The following KLHL26 variants were observed in gnomAD, a reference collection of about 807,000 sequenced individuals.
KLHL26 encodes kelch-like protein 26.
KLHL26 carries 4 observed loss-of-function variants against 7.1 expected under a neutral mutation model. The ratio of observed to expected loss-of-function variants is 0.56; its 90% CI spans 0.28 to 1.28. The LOEUF (loss-of-function observed/expected upper bound fraction) is 1.28. Among genes scored for constraint, KLHL26 ranks in the 50% most tolerant of loss-of-function variants. The pLI, the probability that KLHL26 is intolerant of heterozygous loss-of-function variation, is 0.11. For missense variants in KLHL26, 896 were observed against 924.6 expected, an observed-to-expected ratio of 0.97 and a Z score of 0.40; for synonymous variants, 465 against 414.1, an observed-to-expected ratio of 1.12 and a Z score of -1.49.
chr19:18,667,889 C>T lies in KLHL26; in HGVS notation c.492C>T (p.Thr164=), dbSNP rs1220169700. The change falls in exon 3 of 3, where the codon ACC becomes ACT. Residue 164 remains threonine, a synonymous_variant. Transcript: ENST00000300976. ...EFLKAAMSVE[T]CLNIGQMATT... ...TGAAGGCGGCCATGAGCGTGGAGACCTGCCTCAACATCGGCCAGATGGCCA... is the reference window on the plus strand; with the variant it reads ...TGAAGGCGGCCATGAGCGTGGAGACTTGCCTCAACATCGGCCAGATGGCCA... 6.2e-7 allele frequency: 1 copy of T among 1,612,542 alleles called. No homozygotes were observed. The highest frequency in any genetic ancestry group is 8.5e-7 in the Non-Finnish European group (1 of 1,180,006).
chr19:18,660,504 G>A (rs10409117), intron 1 of KLHL26, among the ~76,000 whole-genome samples: 5,870 of 152,302 alleles, frequency 0.039, 401 homozygotes, highest in African/African-American at 0.14. Flanking sequence ...GCCTTCCTGG[G>A]GGCCTGTGGC....
chr19:18,639,902 G>A (rs949720843), intron 1 of KLHL26, among the ~76,000 whole-genome samples: 5 of 151,920 alleles, frequency 3.3e-5, no homozygotes, highest in East Asian at 3.9e-4. Context: ...TAGAAATTTC[G>A]TAAGAATGGA....
chr19:18,668,581 G>T lies in KLHL26; in HGVS notation c.1184G>T (p.Arg395Leu). Residue 395 changes from arginine to leucine, a missense_variant, in exon 3 of 3, where the codon CGC (arginine) becomes CTC (leucine). By Grantham distance (102) the Arg-to-Leu change is moderately radical (BLOSUM62 -2). Transcript: ENST00000300976. ...RYDPHLNRWL[R>L]LQAMQESRIQ... The stretch of plus-strand genomic sequence containing the variant: ...GACCCCCACCTGAATCGCTGGCTGC[G>T]CCTGCAGGCCATGCAGGAAAGCCGC... 6.3e-7 allele frequency: 1 copy of T among 1,590,954 alleles called. No homozygotes were observed. The highest frequency in any genetic ancestry group is 2.2e-5 in the East Asian group (1 of 44,546).
intron 1 of KLHL26, 124 bp downstream of exon 1, chr19:18,637,261 A>T: frequency 9.5e-7 from 1 of 1,053,018 alleles, no homozygotes; most frequent in Non-Finnish European, 1.2e-6. Context: ...TTCGCTGAGA[A>T]TTTGGACTTT....
At chr19:18,647,306 G>A (rs1476774637) in intron 1 of KLHL26, among the ~76,000 whole-genome samples, 1 of 152,130 alleles carries the variant, frequency 6.6e-6, no homozygotes, top group Non-Finnish European at 1.5e-5. Flanking sequence ...ATTACCCTCC[G>A]CCATAATCGC....
rs1568456677 is a variant in KLHL26, at chr19:18,649,653, G to C, written c.83+12516G>C. On this transcript the variant is annotated intron_variant, in intron 1 of 2. Coordinates refer to ENST00000300976, the MANE Select transcript of KLHL26 (RefSeq NM_018316.3). The surrounding 1 kb of genome is among the most constrained non-coding windows in gnomAD (Gnocchi z 4.0). ...TGGAAGTGGGGGCCAAGCCCGCTGG[G>C]TTCCCGCTGCCGGCAGCCCCGCCCT... 1.3e-5 allele frequency among the ~76,000 whole-genome samples: 2 copies of C among 152,224 alleles called. No individual in the cohort carries two copies. Among genetic ancestry groups the C allele is most frequent in the African/African-American group, 4.8e-5 (2 of 41,450 alleles).
At chr19:18,660,529 C>T (rs1044590428) in intron 1 of KLHL26, among the ~76,000 whole-genome samples, 6 of 152,220 alleles carry the variant, frequency 3.9e-5, no homozygotes, top group African/African-American at 7.2e-5. Flanking sequence ...CCGTGCCGGC[C>T]GCCCCCTGTC....
At chr19:18,662,438 G>A (rs959143163) in intron 1 of KLHL26, among the ~76,000 whole-genome samples, 1 of 152,150 alleles carries the variant, frequency 6.6e-6, no homozygotes, top group East Asian at 1.9e-4. Flanking sequence ...TGCCTGGACC[G>A]CGTGCCCATG....
At chr19:18,644,733 G>C (rs1976771155) in intron 1 of KLHL26, 1 of 152,244 alleles carries the variant, frequency 6.6e-6, no homozygotes, top group Non-Finnish European at 1.5e-5. Flanking sequence ...TGGGGCTGCT[G>C]GGGGGCAGTG....
At chr19:18,660,858 A>G (rs1194261328) in intron 1 of KLHL26, among the ~76,000 whole-genome samples, 1 of 152,122 alleles carries the variant, frequency 6.6e-6, no homozygotes, top group African/African-American at 2.4e-5. Flanking sequence ...GTCAGGCATC[A>G]CCAGGGCATG....
intron 2 of KLHL26, chr19:18,667,355 T>G (rs2052458921): frequency 2.3e-6 from 1 of 433,032 alleles, no homozygotes. Context: ...TTTGTTTGTT[T>G]GTTTGTTTGT....
chr19:18,640,377 C>T (rs1158882482), intron 1 of KLHL26, among the ~76,000 whole-genome samples: 1 of 151,626 alleles, frequency 6.6e-6, no homozygotes, highest in South Asian at 2.1e-4. Context: ...CTGGTAGGTA[C>T]TACAAGGGCG....
In KLHL26 at chr19:18,662,842, C is replaced by T. The variant is rs929347030; in HGVS notation, c.84-1419C>T. 6.6e-5 allele frequency among the ~76,000 whole-genome samples: 10 copies of T among 151,714 alleles called. No individual in the cohort carries two copies. The East Asian group carries it at 9.7e-4, about 15-fold the overall frequency. ...CAGCCTGGTCAAGTGGGATCGGGGCCGATGTGTGGGGAGGGGAGGAAGGGA... is the reference window on the plus strand; with the variant it reads ...CAGCCTGGTCAAGTGGGATCGGGGCTGATGTGTGGGGAGGGGAGGAAGGGA... On this transcript the variant is annotated intron_variant, in intron 1 of 2. Coordinates refer to ENST00000300976, the MANE Select transcript of KLHL26 (RefSeq NM_018316.3).
In KLHL26 at chr19:18,668,002, T is replaced by TGCGCCTGCCACTGGA; in HGVS notation, c.613_627dup (p.Pro205_Leu209dup). The TGCGCCTGCCACTGGA allele has an allele frequency of 6.2e-7, 1 of 1,608,290 alleles. No individual in the cohort carries two copies. The highest frequency in any genetic ancestry group is 8.5e-7 in the Non-Finnish European group (1 of 1,179,942). Reference sequence around the variant, plus strand: ...CAGATCGCCGAGGAGGAGGATTTCCTGCGCCTGCCACTGGAGCGCCTGGTC... The same window carrying TGCGCCTGCCACTGGA: ...CAGATCGCCGAGGAGGAGGATTTCCTGCGCCTGCCACTGGAGCGCCTGCCACTGGAGCGCCTGGTC... On this transcript the variant is annotated inframe_insertion, in exon 3 of 3. Coordinates refer to ENST00000300976, the MANE Select transcript of KLHL26 (RefSeq NM_018316.3).
chr19:18,642,624 A>C (rs1329444322), intron 1 of KLHL26, among the ~76,000 whole-genome samples: 3 of 151,996 alleles, frequency 2.0e-5, no homozygotes, highest in Non-Finnish European at 4.4e-5. Context: ...TGGGCCTCCC[A>C]AAGTGCTGGG....
rs1372438918 is a variant in KLHL26, at chr19:18,656,925, CTG to C, written c.84-7334_84-7333del. 3.9e-5 allele frequency among the ~76,000 whole-genome samples: 6 copies of C among 152,284 alleles called. No homozygotes were observed. Among genetic ancestry groups the C allele is most frequent in the African/African-American group, 1.4e-4 (6 of 41,534 alleles). On this transcript the variant is annotated intron_variant, in intron 1 of 2. Coordinates refer to ENST00000300976, the MANE Select transcript of KLHL26 (RefSeq NM_018316.3). This position sits in a 1 kb window ranked among gnomAD's most constrained non-coding sequence, Gnocchi z 4.4. ...CCTGGCGGCCCCTGAGCTGCAGTCT[CTG>C]TCTCCCTGTCTCTGAGTCTCTGTCC...
rs1600698550 is a variant in KLHL26, at chr19:18,656,088, CA to C, written c.84-8172del. Among the ~76,000 whole-genome samples the C allele has an allele frequency of 6.6e-6, 1 of 152,314 alleles. No homozygotes were observed. The highest frequency in any genetic ancestry group is 1.9e-4 in the East Asian group (1 of 5,172). The stretch of plus-strand genomic sequence containing the variant: ...TGAGATGACAGCTTGCAAACCACTG[CA>C]CCTCTAACCCCCTGTTTTCTGGAAG... On this transcript the variant is annotated intron_variant, in intron 1 of 2. Coordinates refer to ENST00000300976, the MANE Select transcript of KLHL26 (RefSeq NM_018316.3). This position sits in a 1 kb window ranked among gnomAD's most constrained non-coding sequence, Gnocchi z 4.4.
Position 18,669,311 on chromosome 19 carries a change from C to A in KLHL26, c.*66C>A. 3 of 1,338,494 alleles carry A rather than the reference C, an allele frequency of 2.2e-6. No individual in the cohort carries two copies. The highest frequency in any genetic ancestry group is 1.3e-5 in the South Asian group (1 of 78,832). 82.9% of individuals were successfully genotyped at this position (1,338,494 alleles called of 1,614,324 possible). ...CTCCAAGTGGGGCTTGGCGAATGCA[C>A]GTCTGCCTGAGAACCCCAGTGCCCC... On this transcript the variant is annotated 3_prime_UTR_variant, in exon 3 of 3. Transcript: ENST00000300976.
Position 18,667,919 on chromosome 19 carries a change from C to A in KLHL26, c.522C>A (p.Thr174=). The A allele has an allele frequency of 1.9e-6, 3 of 1,611,984 alleles. No individual in the cohort carries two copies. The highest frequency in any genetic ancestry group is 1.3e-5 in the African/African-American group (1 of 75,074). The change falls in exon 3 of 3, where the codon ACC becomes ACA. Residue 174 remains threonine (T), a synonymous_variant. Transcript: ENST00000300976. Reference sequence around the variant, plus strand: ...TCAACATCGGCCAGATGGCCACCACCTTCAGCCTGGCCTCGCTGCGAGAGT... The same window carrying A: ...TCAACATCGGCCAGATGGCCACCACATTCAGCCTGGCCTCGCTGCGAGAGT... ...TCLNIGQMAT[T]FSLASLRESV...
Sources: gnomAD v4.1 joint callset for allele counts (sites outside exome capture counted in the v4.1 genomes callset) on GRCh38, gnomAD v4.1.1 for gene constraint, Gnocchi (gnomAD v3.1) non-coding constraint, MANE v1.5 for transcripts, NCBI Gene and HGNC (gene_info 2026-07-23, HGNC 2026-07-21) for gene names.